The following DACH1 variants were observed in gnomAD, a reference collection of about 807,000 sequenced individuals.
DACH1 encodes dachshund family transcription factor 1.
Under a neutral mutation model 54.2 loss-of-function variants are expected in DACH1, and 12 were observed. The ratio of observed to expected loss-of-function variants is 0.22; its 90% CI spans 0.14 to 0.36. The LOEUF is 0.36. Ranked by LOEUF, DACH1 falls within the 10% of genes least tolerant of loss-of-function variation. The probability of loss-of-function intolerance (pLI) is 1.00; values close to 1 mark genes in which losing one functional copy is unlikely to be tolerated. For missense variants in DACH1, 805 were observed against 929.8 expected (o/e 0.87, Z 1.75); for synonymous variants, 386 against 366.2 (o/e 1.05, Z -0.62).
intron 1 of DACH1, among the ~76,000 whole-genome samples, chr13:71,712,882 T>TA (rs1882790053): frequency 6.6e-6 from 1 of 152,134 alleles, no homozygotes; most frequent in Admixed American, 6.6e-5. Flanking sequence ...ATTAAACACT[T>TA]ATAGCAATGA....
At chr13:71,493,703 A>G (rs1397230938) in intron 6 of DACH1, among the ~76,000 whole-genome samples, 6 of 152,160 alleles carry the variant, frequency 3.9e-5, no homozygotes, top group African/African-American at 1.4e-4. Context: ...CAAATGTAGG[A>G]CCACACAAAT....
At chr13:71,545,245 T>A (rs1593867012) in intron 6 of DACH1, among the ~76,000 whole-genome samples, 2 of 152,174 alleles carry the variant, frequency 1.3e-5, no homozygotes, top group African/African-American at 4.8e-5. Context: ...GAGGATATTT[T>A]CTTACCCTCA....
intron 6 of DACH1, among the ~76,000 whole-genome samples, chr13:71,533,770 A>T (rs530367015): frequency 1.6e-5 from 2 of 128,968 alleles, no homozygotes; most frequent in South Asian, 4.7e-4. Flanking sequence ...ACACACACAA[A>T]CACACACACA....
rs115140749 is a variant in DACH1, at chr13:71,582,634, A to G, written c.1127-9622T>C. On this transcript the variant is annotated intron_variant, in intron 3 of 10. Coordinates refer to ENST00000613252, the MANE Select transcript of DACH1 (RefSeq NM_080759.6). ...TGCATATAACAGAAAAGAATTCAGC[A>G]TATTTGAAGGACCATTGAAATAATA... 6.0e-3 allele frequency among the ~76,000 whole-genome samples: 909 copies of G among 152,300 alleles called. 9 individuals carry two copies. Among genetic ancestry groups the G allele is most frequent in the African/African-American group, 0.021 (867 of 41,580 alleles).
chr13:71,845,823 T>A (rs1028626132), intron 1 of DACH1, among the ~76,000 whole-genome samples: 1 of 152,216 alleles, frequency 6.6e-6, no homozygotes, highest in African/African-American at 2.4e-5. Flanking sequence ...ACTACAATTT[T>A]AAATTTTATC....
intron 1 of DACH1, among the ~76,000 whole-genome samples, chr13:71,751,306 T>C (rs1884914389): frequency 6.6e-6 from 1 of 152,224 alleles, no homozygotes. Flanking sequence ...AACATCACAC[T>C]GCATTCTTAT....
chr13:71,590,089 T>C (rs1022711849), intron 3 of DACH1, among the ~76,000 whole-genome samples: 1 of 152,026 alleles, frequency 6.6e-6, no homozygotes, highest in Non-Finnish European at 1.5e-5. Flanking sequence ...AAAATTAATA[T>C]AAAGAAAACA....
At chr13:71,495,275 C>T (rs962793671) in intron 6 of DACH1, among the ~76,000 whole-genome samples, 1 of 151,976 alleles carries the variant, frequency 6.6e-6, no homozygotes, top group African/African-American at 2.4e-5. Flanking sequence ...TCCTTGAAAA[C>T]TCTCTATTTC....
chr13:71,811,464 A>G (rs1451239389), intron 1 of DACH1, among the ~76,000 whole-genome samples: 1 of 152,178 alleles, frequency 6.6e-6, no homozygotes, highest in Non-Finnish European at 1.5e-5. Context: ...CGATTTATGA[A>G]CTAATAAAGA....
intron 3 of DACH1, among the ~76,000 whole-genome samples, chr13:71,623,497 A>G (rs1328450778): frequency 6.6e-6 from 1 of 151,710 alleles, no homozygotes; most frequent in Non-Finnish European, 1.5e-5. Context: ...TATATTCAAA[A>G]TAAATACTGT....
intron 6 of DACH1, among the ~76,000 whole-genome samples, chr13:71,550,813 T>G (rs1883764115): frequency 6.6e-6 from 1 of 152,098 alleles, no homozygotes; most frequent in Non-Finnish European, 1.5e-5. Context: ...GTTCAACACT[T>G]ATTTTCGAGG....
intron 5 of DACH1, among the ~76,000 whole-genome samples, chr13:71,557,834 G>A (rs1884346667): frequency 6.9e-6 from 1 of 145,662 alleles, no homozygotes. Context: ...AAAATAAATG[G>A]CCTGTACTAA....
chr13:71,750,929 A>G (rs1477107275), intron 1 of DACH1, among the ~76,000 whole-genome samples: 1 of 152,238 alleles, frequency 6.6e-6, no homozygotes, highest in East Asian at 1.9e-4. Context: ...GATGGCTAAA[A>G]AAAATAAATC....
chr13:71,535,352 A>G (rs935809993), intron 6 of DACH1, among the ~76,000 whole-genome samples: 1 of 151,944 alleles, frequency 6.6e-6, no homozygotes, highest in Non-Finnish European at 1.5e-5. Context: ...TTTAGCATGT[A>G]TAAGAATTTC....
intron 6 of DACH1, among the ~76,000 whole-genome samples, chr13:71,536,475 C>T (rs1327368118): frequency 2.0e-5 from 3 of 152,046 alleles, no homozygotes; most frequent in African/African-American, 7.2e-5. Flanking sequence ...CTCTAAGAGA[C>T]AGAGCATAAT....
At chr13:71,532,733 G>T (rs1019601290) in intron 6 of DACH1, among the ~76,000 whole-genome samples, 1 of 151,898 alleles carries the variant, frequency 6.6e-6, no homozygotes, top group African/African-American at 2.4e-5. Context: ...AATAATCTAT[G>T]ACTACAGCTT....
intron 1 of DACH1, among the ~76,000 whole-genome samples, chr13:71,760,254 T>C (rs1313763813): frequency 6.6e-6 from 1 of 152,180 alleles, no homozygotes; most frequent in Non-Finnish European, 1.5e-5. Flanking sequence ...AGGGGGTTCT[T>C]TGATTGAGCG....
chr13:71,584,563 C>T (rs2138442246), intron 3 of DACH1, among the ~76,000 whole-genome samples: 1 of 152,150 alleles, frequency 6.6e-6, no homozygotes, highest in African/African-American at 2.4e-5. Flanking sequence ...AGTATTAAGA[C>T]TTTAAGAATA....
At chr13:71,570,453 A>G (rs1010161724) in intron 4 of DACH1, among the ~76,000 whole-genome samples, 2 of 152,310 alleles carry the variant, frequency 1.3e-5, no homozygotes, top group East Asian at 1.9e-4. Flanking sequence ...GATGTTGGCA[A>G]TAAAAACTAT....
Sources: gnomAD v4.1 joint callset for allele counts (sites outside exome capture counted in the v4.1 genomes callset) on GRCh38, gnomAD v4.1.1 for gene constraint, MANE v1.5 for transcripts, NCBI Gene and HGNC (gene_info 2026-07-23, HGNC 2026-07-21) for gene names.